The following RGS7 variants were observed in gnomAD, a reference collection of about 807,000 sequenced individuals.
The protein encoded by RGS7 is regulator of G-protein signaling 7.
RGS7 carries 27 observed loss-of-function variants against 81.1 expected under a neutral mutation model. That is an observed-to-expected ratio of 0.33 (90% CI 0.25 to 0.46). The LOEUF (loss-of-function observed/expected upper bound fraction) is 0.46, where lower values mean the gene tolerates loss of function less well. Among genes scored for constraint, RGS7 ranks in the 20% least tolerant of loss-of-function variants. RGS7 has a pLI of 1.00. For synonymous variants in RGS7, 208 were observed against 207.7 expected, an observed-to-expected ratio of 1.00 and a Z score of -0.01; for missense variants, 396 against 607.4, an observed-to-expected ratio of 0.65 and a Z score of 3.66.
chr1:241,031,608 C>T (rs2060088891), intron 3 of RGS7, among the ~76,000 whole-genome samples: 1 of 152,192 alleles, frequency 6.6e-6, no homozygotes, highest in South Asian at 2.1e-4. Flanking sequence ...TATAAACGTT[C>T]CTTTTTCTCC....
At chr1:241,209,686 A>G (rs750049570) in intron 2 of RGS7, among the ~76,000 whole-genome samples, 1 of 151,962 alleles carries the variant, frequency 6.6e-6, no homozygotes, top group African/African-American at 2.4e-5. Context: ...AAATTTTAAA[A>G]ATTAGCTGGG....
At chr1:241,156,256 C>T (rs896023949) in intron 2 of RGS7, among the ~76,000 whole-genome samples, 8 of 151,940 alleles carry the variant, frequency 5.3e-5, no homozygotes, top group Non-Finnish European at 1.0e-4. Context: ...CTTTAGGAGC[C>T]TGAAGCTGGA....
chr1:240,995,793 T>C (rs1218737541), intron 3 of RGS7, among the ~76,000 whole-genome samples: 2 of 151,946 alleles, frequency 1.3e-5, no homozygotes, highest in Non-Finnish European at 2.9e-5. Context: ...GTTTTTAAAT[T>C]ATTTGAATGT....
At chr1:240,909,439 TTTA>T (rs1225868781) in intron 6 of RGS7, among the ~76,000 whole-genome samples, 1 of 152,200 alleles carries the variant, frequency 6.6e-6, no homozygotes, top group African/African-American at 2.4e-5. Context: ...ATAGTGTCAC[TTTA>T]TTATTATCGC....
rs563464486 is a variant in RGS7 at position 241,338,808 on chromosome 1, T to A, written c.78+16891A>T. Among the ~76,000 whole-genome samples the A allele has an allele frequency of 1.4e-4, 22 of 152,044 alleles. 1 individual carries two copies. The highest frequency in any genetic ancestry group is 3.4e-3 in the Middle Eastern group (1 of 292). ...TCTGTTTACCCTTCAATCTTGAGAC[T>A]GTACAGTACTCTGATAAAGAACATA... is the stretch of plus-strand genomic sequence containing the variant. On this transcript the variant is annotated intron_variant, in intron 2 of 18. Transcript: ENST00000440928.
chr1:241,004,166 C>T (rs545416679), intron 3 of RGS7, among the ~76,000 whole-genome samples: 1 of 152,332 alleles, frequency 6.6e-6, no homozygotes, highest in South Asian at 2.1e-4. Context: ...ATTCTGACTA[C>T]TGCCTTTAAT....
intron 3 of RGS7, among the ~76,000 whole-genome samples, chr1:240,997,760 G>A (rs1271292436): frequency 6.6e-6 from 1 of 152,188 alleles, no homozygotes; most frequent in Non-Finnish European, 1.5e-5. Context: ...GGAGACAGAG[G>A]TTGCAGTGAG....
At chr1:241,158,552 G>C (rs137953709) in intron 2 of RGS7, among the ~76,000 whole-genome samples, 122 of 152,296 alleles carry the variant, frequency 8.0e-4, no homozygotes, top group African/African-American at 2.8e-3. Flanking sequence ...CATTTGTCAA[G>C]TAAGTGCAGC....
intron 4 of RGS7, among the ~76,000 whole-genome samples, chr1:240,969,128 G>A (rs1682797834): frequency 6.6e-6 from 1 of 152,044 alleles, no homozygotes; most frequent in African/African-American, 2.4e-5. Flanking sequence ...TCTGCTCTAG[G>A]CCTTATTAGC....
chr1:241,016,565 A>C (rs2059247347), intron 3 of RGS7, among the ~76,000 whole-genome samples: 1 of 151,298 alleles, frequency 6.6e-6, no homozygotes, highest in African/African-American at 2.4e-5. Flanking sequence ...CCAACCAAAC[A>C]AACAAAAAAA....
At chr1:241,073,543 C>G (rs73125571) in intron 3 of RGS7, among the ~76,000 whole-genome samples, 1 of 152,192 alleles carries the variant, frequency 6.6e-6, no homozygotes, top group African/African-American at 2.4e-5. Flanking sequence ...ACCCTTGACA[C>G]TGGATGCCAG....
intron 18 of RGS7, among the ~76,000 whole-genome samples, chr1:240,793,788 A>G (rs1009328015): frequency 6.7e-6 from 1 of 150,132 alleles, no homozygotes. Flanking sequence ...TTTTTTTTGT[A>G]TTGTTAGTAG....
intron 3 of RGS7, among the ~76,000 whole-genome samples, chr1:241,028,030 T>C (rs1349777471): frequency 6.6e-6 from 1 of 152,224 alleles, no homozygotes; most frequent in Non-Finnish European, 1.5e-5. Flanking sequence ...GAGAGAAACG[T>C]GTATCAGCTC....
chr1:240,800,188 C>T lies in RGS7; in HGVS notation c.*6+453G>A, dbSNP rs376135573. 1.5e-4 allele frequency among the ~76,000 whole-genome samples: 23 copies of T among 152,072 alleles called. 2 individuals are homozygous for T. Among genetic ancestry groups the T allele is most frequent in the Admixed American group, 5.9e-4 (9 of 15,252 alleles). On this transcript the variant is annotated intron_variant, in intron 18 of 18. Transcript: ENST00000440928. Reference sequence around the variant, plus strand: ...AATTGTTTGACATTGTCTTTATTGCCCCATGGTGACTTATGAGGCATGCTT... The same window carrying T: ...AATTGTTTGACATTGTCTTTATTGCTCCATGGTGACTTATGAGGCATGCTT...
intron 18 of RGS7, among the ~76,000 whole-genome samples, chr1:240,776,838 G>A (rs1257759261): frequency 1.3e-5 from 2 of 152,208 alleles, no homozygotes; most frequent in African/African-American, 4.8e-5. Context: ...AGCTGTTGAT[G>A]TCTTCCTGTT....
intron 2 of RGS7, among the ~76,000 whole-genome samples, chr1:241,260,078 A>G (rs2077250919): frequency 6.6e-6 from 1 of 152,128 alleles, no homozygotes; most frequent in South Asian, 2.1e-4. Context: ...TTTGTCCTAT[A>G]CCCACCCAAA....
At chr1:241,102,947 G>C (rs1399219040) in intron 2 of RGS7, among the ~76,000 whole-genome samples, 3 of 150,922 alleles carry the variant, frequency 2.0e-5, no homozygotes, top group African/African-American at 4.9e-5. Flanking sequence ...GAACATGCTT[G>C]ATGGTCTGTT....
chr1:241,347,915 T>C (rs553690581), intron 2 of RGS7, among the ~76,000 whole-genome samples: 1 of 152,316 alleles, frequency 6.6e-6, no homozygotes, highest in South Asian at 2.1e-4. Context: ...AAAAAATAAT[T>C]TGTTGAACTC....
intron 3 of RGS7, among the ~76,000 whole-genome samples, chr1:240,999,742 A>G (rs1270233592): frequency 6.7e-6 from 1 of 150,322 alleles, no homozygotes; most frequent in Non-Finnish European, 1.5e-5. Context: ...CTGGGACTAC[A>G]AGCATGTGCC....
Sources: allele counts gnomAD v4.1 joint callset (sites outside exome capture counted in the v4.1 genomes callset), GRCh38; gene constraint gnomAD v4.1.1; transcripts MANE v1.5; gene names NCBI Gene and HGNC (gene_info 2026-07-23, HGNC 2026-07-21).